The following VAT1L variants were observed in gnomAD, a reference collection of about 807,000 sequenced individuals.
VAT1L encodes the protein vesicle amine transport 1 like, also known as putative NADPH-dependent quinone oxidoreductase VAT1L.
A neutral mutation model predicts 44.1 loss-of-function variants in VAT1L; 34 were observed. The ratio of observed to expected loss-of-function variants is 0.77; its 90% CI spans 0.59 to 1.03. The LOEUF (loss-of-function observed/expected upper bound fraction) is 1.03, where lower values mean the gene tolerates loss of function less well. Ranked by LOEUF, VAT1L falls within the 50% of genes least tolerant of loss-of-function variation. The probability of loss-of-function intolerance (pLI) is 0.00; values close to 1 mark genes in which losing one functional copy is unlikely to be tolerated. For synonymous variants in VAT1L, 253 were observed against 202.2 expected, an observed-to-expected ratio of 1.25 and a Z score of -2.13; for missense variants, 615 against 538.8, an observed-to-expected ratio of 1.14 and a Z score of -1.40.
At chr16:77,886,868 G>T (rs1597083656) in intron 7 of VAT1L, among the ~76,000 whole-genome samples, 1 of 152,002 alleles carries the variant, frequency 6.6e-6, no homozygotes, top group African/African-American at 2.4e-5. Flanking sequence ...ATATTATTTT[G>T]CCTAATAAAC....
intron 7 of VAT1L, among the ~76,000 whole-genome samples, chr16:77,964,277 A>T (rs933416047): frequency 2.6e-5 from 4 of 152,196 alleles, no homozygotes; most frequent in Non-Finnish European, 5.9e-5. Flanking sequence ...AGTGGCTTAA[A>T]TAACATAAAA....
intron 7 of VAT1L, among the ~76,000 whole-genome samples, chr16:77,957,551 C>T (rs983519124): frequency 7.2e-5 from 11 of 151,778 alleles, no homozygotes; most frequent in Non-Finnish European, 1.6e-4. Flanking sequence ...ATGGTGAAAC[C>T]CCGTCTCTAC....
chr16:77,905,980 T>C (rs2017432719), intron 7 of VAT1L, among the ~76,000 whole-genome samples: 2 of 152,222 alleles, frequency 1.3e-5, no homozygotes. Context: ...CCTTCTTTGA[T>C]GTTTGAGGTT....
At chr16:77,950,268 G>A (rs1183581600) in intron 7 of VAT1L, among the ~76,000 whole-genome samples, 5 of 152,086 alleles carry the variant, frequency 3.3e-5, no homozygotes, top group African/African-American at 1.2e-4. Context: ...AATTAGCCAG[G>A]TGTGGTGGTG....
At chr16:77,976,021 A>G (rs1391378834) in intron 8 of VAT1L, among the ~76,000 whole-genome samples, 1 of 152,256 alleles carries the variant, frequency 6.6e-6, no homozygotes, top group Non-Finnish European at 1.5e-5. Flanking sequence ...AGATTAAAAG[A>G]ACCAATGTCT....
rs149490217 is a variant in VAT1L, at chr16:77,816,246, G to A, written c.234-675G>A. On this transcript the variant is annotated intron_variant, in intron 1 of 8. Transcript: ENST00000302536. Reference sequence around the variant, plus strand: ...AAATATCTAATAATATCTCTCATCTGGAAATAACTTAGATTTTTGAAACAC... The same window carrying A: ...AAATATCTAATAATATCTCTCATCTAGAAATAACTTAGATTTTTGAAACAC... Among the ~76,000 whole-genome samples, 101 of 152,202 alleles carry A rather than the reference G, an allele frequency of 6.6e-4. No individual in the cohort carries two copies. In the Middle Eastern group the frequency reaches 0.014, roughly 21 times the overall value.
intron 7 of VAT1L, among the ~76,000 whole-genome samples, chr16:77,952,689 T>A (rs1281408662): frequency 6.6e-6 from 1 of 151,882 alleles, no homozygotes; most frequent in Non-Finnish European, 1.5e-5. Flanking sequence ...AAACCCTGTA[T>A]CTATTAAAAA....
chr16:77,838,347 C>T (rs981752827), intron 3 of VAT1L, among the ~76,000 whole-genome samples: 3 of 152,192 alleles, frequency 2.0e-5, no homozygotes, highest in African/African-American at 4.8e-5. Context: ...GAAGCAGCCT[C>T]GTTGCCTTTG....
intron 4 of VAT1L, 48 bp downstream of exon 4, chr16:77,862,938 T>A: frequency 6.3e-7 from 1 of 1,596,466 alleles, no homozygotes. Context: ...CTTGCTCTGC[T>A]CTCAAAGAGC....
chr16:77,970,581 T>C (rs1337656520), intron 7 of VAT1L, among the ~76,000 whole-genome samples: 1 of 152,218 alleles, frequency 6.6e-6, no homozygotes, highest in African/African-American at 2.4e-5. Context: ...AGTAGACACA[T>C]GTGAGAGTCA....
At chr16:77,839,024 T>C (rs962204750) in intron 3 of VAT1L, among the ~76,000 whole-genome samples, 4 of 152,102 alleles carry the variant, frequency 2.6e-5, no homozygotes, top group South Asian at 2.1e-4. Flanking sequence ...GGATATGATA[T>C]AGACTTACAA....
chr16:77,805,261 A>C lies in VAT1L; in HGVS notation c.234-11660A>C, dbSNP rs189750081. Among the ~76,000 whole-genome samples, 124 of 152,312 alleles carry C rather than the reference A, an allele frequency of 8.1e-4. 3 individuals carry two copies. In the East Asian group the frequency reaches 9.9e-3, roughly 12 times the overall value. ...CACTGTGAGCTTTTTCTTTCCTAGCAAATTTGTGTCAGTCTGTTCCCACAG... is the reference window on the plus strand; with the variant it reads ...CACTGTGAGCTTTTTCTTTCCTAGCCAATTTGTGTCAGTCTGTTCCCACAG... On this transcript the variant is annotated intron_variant, in intron 1 of 8. Transcript: ENST00000302536.
intron 7 of VAT1L, among the ~76,000 whole-genome samples, chr16:77,959,595 C>T (rs1456791570): frequency 4.6e-5 from 7 of 152,154 alleles, no homozygotes; most frequent in Non-Finnish European, 5.9e-5. Context: ...CCTTTTTACA[C>T]GGATATGCTT....
intron 7 of VAT1L, among the ~76,000 whole-genome samples, chr16:77,968,892 C>T (rs1271048230): frequency 6.6e-6 from 1 of 152,096 alleles, no homozygotes; most frequent in African/African-American, 2.4e-5. Context: ...GATTTCAGCT[C>T]AGTGCAACCT....
chr16:77,945,277 A>ATTTTTTTTTTTTTT (rs1567517602), intron 7 of VAT1L, among the ~76,000 whole-genome samples: 45 of 9,250 alleles, frequency 4.9e-3, no homozygotes, highest in South Asian at 0.012. Context: ...AGATTGCAGA[A>ATTTTTTTTTTTTTT]CTTTTTTTTT....
At chr16:77,968,131 G>A (rs1053234425) in intron 7 of VAT1L, among the ~76,000 whole-genome samples, 2 of 152,212 alleles carry the variant, frequency 1.3e-5, no homozygotes, top group Admixed American at 1.3e-4. Context: ...CAAACTTAGA[G>A]GCACTTATGA....
chr16:77,946,095 C>T (rs1033816352), intron 7 of VAT1L, among the ~76,000 whole-genome samples: 1 of 151,932 alleles, frequency 6.6e-6, no homozygotes, highest in African/African-American at 2.4e-5. Flanking sequence ...CTACCACACC[C>T]GGCCAGGGCT....
At chr16:77,813,556 C>T (rs1011055409) in intron 1 of VAT1L, among the ~76,000 whole-genome samples, 1 of 152,226 alleles carries the variant, frequency 6.6e-6, no homozygotes, top group Non-Finnish European at 1.5e-5. Context: ...CAATGGAAGT[C>T]TACAAAGCCT....
chr16:77,926,854 C>T (rs1481896422), intron 7 of VAT1L, among the ~76,000 whole-genome samples: 1 of 152,128 alleles, frequency 6.6e-6, no homozygotes, highest in Non-Finnish European at 1.5e-5. Context: ...CCTCCTTCCA[C>T]ATGTGACCTA....
Sources: gnomAD v4.1 joint callset for allele counts (sites outside exome capture counted in the v4.1 genomes callset) on GRCh38, gnomAD v4.1.1 for gene constraint, MANE v1.5 for transcripts, NCBI Gene and HGNC (gene_info 2026-07-23, HGNC 2026-07-21) for gene names.